Variants in MEGF10 observed in about 807,000 individuals in gnomAD.
MEGF10 encodes the protein multiple EGF like domains 10, also known as multiple epidermal growth factor-like domains protein 10.
Under a neutral mutation model 147.5 loss-of-function variants are expected in MEGF10, and 86 were observed. The ratio of observed to expected loss-of-function variants is 0.58; its 90% CI spans 0.49 to 0.70. MEGF10 has a LOEUF of 0.70. Among genes scored for constraint, MEGF10 ranks in the 30% least tolerant of loss-of-function variants. The probability of loss-of-function intolerance (pLI) is 0.00; values close to 1 mark genes in which losing one functional copy is unlikely to be tolerated. For missense variants in MEGF10, 1,329 were observed against 1,487.3 expected, an observed-to-expected ratio of 0.89 and a Z score of 1.75; for synonymous variants, 478 against 525.5, an observed-to-expected ratio of 0.91 and a Z score of 1.24.
Position 127,309,997 on chromosome 5 carries a change from C to CTTT in MEGF10, c.-19+18941_-19+18942insTTT, listed in dbSNP as rs1561562051. Among the ~76,000 whole-genome samples the CTTT allele has an allele frequency of 7.4e-3, 431 of 58,052 alleles. 3 individuals carry two copies. In the Middle Eastern group the frequency reaches 0.094, roughly 13 times the overall value. The allele number at this position is 58,052 out of a possible 152,430, so 38.1% of individuals were successfully genotyped here. ...TCTTTCTTTCTTTCTTTCTTTCTTT[C>CTTT]CTTCCTTCCTTCCTTTCTTTTTTTC... is the stretch of plus-strand genomic sequence containing the variant. On this transcript the variant is annotated intron_variant, in intron 1 of 24. Transcript: ENST00000503335.
chr5:127,241,919 T>C, the MEGF10 span, among the ~76,000 whole-genome samples: 2 of 152,062 alleles, frequency 1.3e-5, no homozygotes, highest in African/African-American at 2.4e-5. Flanking sequence ...ACTCCAGAGC[T>C]GCTTGGGTCC....
At chr5:127,428,295 A>G (rs1184761769) in intron 13 of MEGF10, among the ~76,000 whole-genome samples, 1 of 152,110 alleles carries the variant, frequency 6.6e-6, no homozygotes, top group Non-Finnish European at 1.5e-5. Flanking sequence ...AAATAGAAAG[A>G]TTTGGTTTAA....
intron 5 of MEGF10, among the ~76,000 whole-genome samples, chr5:127,386,073 A>G (rs1375603887): frequency 6.6e-6 from 1 of 152,164 alleles, no homozygotes; most frequent in Non-Finnish European, 1.5e-5. Flanking sequence ...GTGCCACTGC[A>G]CTCCAGTCTA....
chr5:127,277,237 T>C, the MEGF10 span, among the ~76,000 whole-genome samples: 1 of 152,168 alleles, frequency 6.6e-6, no homozygotes, highest in African/African-American at 2.4e-5. Context: ...TCATCTGGAA[T>C]TGCCTTCAAC....
chr5:127,381,731 C>T (rs186681970), intron 5 of MEGF10, among the ~76,000 whole-genome samples: 32 of 152,152 alleles, frequency 2.1e-4, no homozygotes, highest in Non-Finnish European at 4.3e-4. Flanking sequence ...AGTGCAGTGG[C>T]GTGATCTCAA....
chr5:127,239,403 A>ACG, the MEGF10 span, among the ~76,000 whole-genome samples: 1 of 146,284 alleles, frequency 6.8e-6, no homozygotes, highest in African/African-American at 2.6e-5. Flanking sequence ...ACACACACAC[A>ACG]CACACACACA....
intron 9 of MEGF10, among the ~76,000 whole-genome samples, chr5:127,416,036 G>T (rs6595770): frequency 0.59 from 85,817 of 144,876 alleles, 27,060 homozygotes; most frequent in Middle Eastern, 0.75. Context: ...TTTGTTTTTG[G>T]TTTTGTTTTT....
chr5:127,275,964 T>C, the MEGF10 span, among the ~76,000 whole-genome samples: 9 of 152,218 alleles, frequency 5.9e-5, no homozygotes, highest in African/African-American at 2.2e-4. Flanking sequence ...TCATCTAATC[T>C]AGCAGAGCTT....
chr5:127,285,385 T>C, the MEGF10 span, among the ~76,000 whole-genome samples: 7 of 152,124 alleles, frequency 4.6e-5, no homozygotes, highest in Non-Finnish European at 8.8e-5. Flanking sequence ...ATACAAATAA[T>C]ATTTTAAGAT....
At chr5:127,431,316 A>T (rs1274953492) in intron 13 of MEGF10, among the ~76,000 whole-genome samples, 2 of 152,198 alleles carry the variant, frequency 1.3e-5, no homozygotes, top group Non-Finnish European at 1.5e-5. Context: ...GCTATACATA[A>T]ATCATGATAA....
Position 127,422,689 on chromosome 5 carries a change from A to T in MEGF10, c.1610A>T (p.Asn537Ile), listed in dbSNP as rs1199852211. 1 of 1,613,888 alleles carries T rather than the reference A, an allele frequency of 6.2e-7. No homozygotes were observed. Among genetic ancestry groups the T allele is most frequent in the Non-Finnish European group, 8.5e-7 (1 of 1,179,944 alleles). ...LPCQDGTYGLNCAERCDCSHA... is the reference protein window; with the variant it reads ...LPCQDGTYGLICAERCDCSHA... ...ATGCAGGATGGCACGTACGGGCTGA[A>T]CTGTGCTGAGCGCTGCGACTGCAGC... Residue 537 changes from asparagine to isoleucine, a missense_variant, in exon 13 of 25, where the codon AAC (asparagine) becomes ATC (isoleucine). By Grantham distance (149) the Asn-to-Ile change is moderately radical. Coordinates refer to ENST00000503335, the MANE Select transcript of MEGF10 (RefSeq NM_001256545.2).
intron 2 of MEGF10, among the ~76,000 whole-genome samples, chr5:127,336,221 T>G (rs1761463529): frequency 6.6e-6 from 1 of 151,782 alleles, no homozygotes; most frequent in Admixed American, 6.6e-5. Flanking sequence ...CAAAATAATT[T>G]TAATGAGTAA....
chr5:127,299,820 A>T (rs369499719), intron 1 of MEGF10, among the ~76,000 whole-genome samples: 11 of 151,122 alleles, frequency 7.3e-5, no homozygotes, highest in African/African-American at 2.7e-4. Context: ...TCTGGACGTG[A>T]TGGGTTCTGG....
In MEGF10 at chr5:127,417,705, T is replaced by G; in HGVS notation, c.1198T>G (p.Cys400Gly). ...GWSGLYCNETCSPGFYGEACQ... is the reference protein window; with the variant it reads ...GWSGLYCNETGSPGFYGEACQ... ...GTCAGGACTCTACTGTAATGAGACA[T>G]GTTCTCCTGGATTCTACGGGGAAGC... Residue 400 changes from cysteine (C) to glycine (G), a missense_variant, in exon 10 of 25, where the codon TGT (cysteine) becomes GGT (glycine). Cys to Gly is a radical substitution (Grantham distance 159, BLOSUM62 -3). This residue lies in a region of MEGF10 where 980 missense variants were observed against 1,085.9 expected (regional missense o/e 0.90). Coordinates refer to ENST00000503335, the MANE Select transcript of MEGF10 (RefSeq NM_001256545.2). 1 of 1,614,100 alleles carries G rather than the reference T, an allele frequency of 6.2e-7. No homozygotes were observed. Among genetic ancestry groups the G allele is most frequent in the Non-Finnish European group, 8.5e-7 (1 of 1,180,020 alleles).
chr5:127,282,040 G>C, the MEGF10 span, among the ~76,000 whole-genome samples: 1 of 152,168 alleles, frequency 6.6e-6, no homozygotes, highest in African/African-American at 2.4e-5. Flanking sequence ...TCCTCCTGTT[G>C]AAATGTGTGG....
At chr5:127,270,127 C>T in the MEGF10 span, among the ~76,000 whole-genome samples, 1 of 152,216 alleles carries the variant, frequency 6.6e-6, no homozygotes, top group Non-Finnish European at 1.5e-5. Context: ...ACTGCAAAAA[C>T]ATGCCAAATT....
At chr5:127,424,193 G>T (rs1765128474) in intron 13 of MEGF10, 1 of 588,518 alleles carries the variant, frequency 1.7e-6, no homozygotes, top group Non-Finnish European at 3.0e-6. Flanking sequence ...AATGTGAGAG[G>T]ATTTATTTCT....
chr5:127,374,841 C>G (rs1282764400), intron 5 of MEGF10, among the ~76,000 whole-genome samples: 1 of 152,174 alleles, frequency 6.6e-6, no homozygotes, highest in African/African-American at 2.4e-5. Flanking sequence ...AAGGTGGTAA[C>G]TGATATCTAT....
rs1462796378 is a variant in MEGF10 at position 127,460,926 on chromosome 5, A to G, written c.*3608A>G. The G allele has an allele frequency of 6.6e-6, 1 of 152,184 alleles. No homozygotes were observed. The highest frequency in any genetic ancestry group is 1.5e-5 in the Non-Finnish European group (1 of 68,036). 9.4% of individuals were successfully genotyped at this position (152,184 alleles called of 1,614,324 possible). ...TTTATTAACTAAAGATGTACAGCAA[A>G]CTGCCCGTTTAGAGTCCTGTTAATA... is the stretch of plus-strand genomic sequence containing the variant. On this transcript the variant is annotated 3_prime_UTR_variant, in exon 25 of 25. Coordinates refer to ENST00000503335, the MANE Select transcript of MEGF10 (RefSeq NM_001256545.2).
Sources: gnomAD v4.1 joint callset for allele counts (sites outside exome capture counted in the v4.1 genomes callset) on GRCh38, gnomAD v4.1.1 for gene constraint, gnomAD v4.1.1 regional missense constraint, MANE v1.5 for transcripts, NCBI Gene and HGNC (gene_info 2026-07-23, HGNC 2026-07-21) for gene names.